Variants in RGL1 observed in about 807,000 individuals in gnomAD.
RGL1 encodes the protein ral guanine nucleotide dissociation stimulator like 1.
A neutral mutation model predicts 95.2 loss-of-function variants in RGL1; 24 were observed. The ratio of observed to expected loss-of-function variants is 0.25; its 90% CI spans 0.18 to 0.35. RGL1 has a LOEUF of 0.35. Ranked by LOEUF, RGL1 falls within the 10% of genes least tolerant of loss-of-function variation. The pLI, the probability that RGL1 is intolerant of heterozygous loss-of-function variation, is 1.00. For synonymous variants in RGL1, 329 were observed against 344.9 expected (o/e 0.95, Z 0.51); for missense variants, 715 against 936.3 (o/e 0.76, Z 3.08).
chr1:183,648,208 C>T, intron 1 of RGL1: 1 of 1,614,148 alleles, frequency 6.2e-7, no homozygotes, highest in Non-Finnish European at 8.5e-7. Flanking sequence ...TGCCAGATCC[C>T]ACCACTTATT....
chr1:183,685,047 T>C (rs924810669), intron 1 of RGL1, among the ~76,000 whole-genome samples: 1 of 152,224 alleles, frequency 6.6e-6, no homozygotes, highest in Admixed American at 6.5e-5. Flanking sequence ...CCATCTTCTA[T>C]TTACATTTAT....
At chr1:183,799,678 C>G (rs565061682) in intron 2 of RGL1, among the ~76,000 whole-genome samples, 1 of 152,132 alleles carries the variant, frequency 6.6e-6, no homozygotes, top group African/African-American at 2.4e-5. Context: ...GAGTTGTATG[C>G]GTTCCTTATA....
At chr1:183,891,459 T>C (rs1241242969) in intron 8 of RGL1, among the ~76,000 whole-genome samples, 1 of 152,178 alleles carries the variant, frequency 6.6e-6, no homozygotes, top group African/African-American at 2.4e-5. Flanking sequence ...TCAGGAAAGT[T>C]AAGCAGCTTG....
intron 1 of RGL1, chr1:183,647,539 G>T: frequency 7.5e-7 from 1 of 1,326,890 alleles, no homozygotes. Flanking sequence ...AGTTGATATG[G>T]TAAATAATTC....
chr1:183,749,834 G>A (rs1407368237), intron 2 of RGL1, among the ~76,000 whole-genome samples: 1 of 152,150 alleles, frequency 6.6e-6, no homozygotes, highest in Non-Finnish European at 1.5e-5. Context: ...AGTTTGGCTG[G>A]ATATGAAATT....
chr1:183,888,197 G>A (rs2102659554), intron 7 of RGL1, among the ~76,000 whole-genome samples: 1 of 152,212 alleles, frequency 6.6e-6, no homozygotes, highest in South Asian at 2.1e-4. Context: ...CTCCATTAGT[G>A]TTTTTACTAG....
At chr1:183,882,662 A>G (rs572209736) in intron 5 of RGL1, among the ~76,000 whole-genome samples, 1 of 152,288 alleles carries the variant, frequency 6.6e-6, no homozygotes, top group Admixed American at 6.5e-5. Context: ...AGTCCAGGGT[A>G]AAGGGGCAAT....
chr1:183,681,407 G>A (rs1255279039), intron 1 of RGL1, among the ~76,000 whole-genome samples: 5 of 152,154 alleles, frequency 3.3e-5, no homozygotes, highest in Non-Finnish European at 7.3e-5. Flanking sequence ...TTTATCAAAG[G>A]CCTTTTCTGC....
intron 2 of RGL1, among the ~76,000 whole-genome samples, chr1:183,836,922 T>C (rs1663702953): frequency 6.6e-6 from 1 of 152,210 alleles, no homozygotes; most frequent in East Asian, 1.9e-4. Context: ...GTAATAATTT[T>C]ATTGTCATTT....
intron 1 of RGL1, among the ~76,000 whole-genome samples, chr1:183,660,612 G>A (rs979552511): frequency 1.3e-5 from 2 of 151,482 alleles, no homozygotes; most frequent in East Asian, 1.9e-4. Flanking sequence ...AATAATGGGA[G>A]ACTTTAACAC....
chr1:183,851,038 T>A (rs1412061694), intron 3 of RGL1, among the ~76,000 whole-genome samples: 4 of 152,246 alleles, frequency 2.6e-5, no homozygotes, highest in African/African-American at 7.2e-5. Flanking sequence ...TGATATTTTT[T>A]AAATCTTTTC....
At chr1:183,660,644 A>C (rs2102023251) in intron 1 of RGL1, among the ~76,000 whole-genome samples, 1 of 151,634 alleles carries the variant, frequency 6.6e-6, no homozygotes, top group South Asian at 2.1e-4. Flanking sequence ...CATTAGACAG[A>C]TCAACGAGAC....
intron 1 of RGL1, among the ~76,000 whole-genome samples, chr1:183,700,910 C>G (rs1558160649): frequency 6.6e-6 from 1 of 152,126 alleles, no homozygotes; most frequent in African/African-American, 2.4e-5. Flanking sequence ...TTCCTTCCCC[C>G]TGAGCCCCTG....
At chr1:183,820,098 G>T (rs1262805633) in intron 2 of RGL1, among the ~76,000 whole-genome samples, 17 of 151,792 alleles carry the variant, frequency 1.1e-4, no homozygotes, top group African/African-American at 4.1e-4. Context: ...ATTTTGTTTT[G>T]TTTCGTTTTG....
chr1:183,741,372 C>A (rs1171364668), intron 1 of RGL1, among the ~76,000 whole-genome samples: 1 of 152,142 alleles, frequency 6.6e-6, no homozygotes, highest in Non-Finnish European at 1.5e-5. Flanking sequence ...AGATTCTGAG[C>A]AAGCCAGTGG....
chr1:183,756,230 C>T (rs545148678), intron 2 of RGL1, among the ~76,000 whole-genome samples: 1 of 147,046 alleles, frequency 6.8e-6, no homozygotes, highest in Non-Finnish European at 1.5e-5. Context: ...CTTGCTCTGT[C>T]GTCCAGGCTG....
rs538086383 is a variant in RGL1, at chr1:183,841,875, T to C, written c.139-5691T>C. ...GAAATTCAAAGTGCTCCAACATCCA[T>C]GCTTATTGCAGTGTTTTGCAGTTTG... On this transcript the variant is annotated intron_variant, in intron 2 of 17. Transcript: ENST00000360851. Among the ~76,000 whole-genome samples the C allele has an allele frequency of 2.6e-5, 4 of 152,318 alleles. No homozygotes were observed. The South Asian group carries it at 8.3e-4, about 32-fold the overall frequency.
At chr1:183,876,900 C>A (rs1666528049) in intron 4 of RGL1, among the ~76,000 whole-genome samples, 1 of 152,218 alleles carries the variant, frequency 6.6e-6, no homozygotes, top group Non-Finnish European at 1.5e-5. Flanking sequence ...CCTTTTCAAT[C>A]CCTTCCTTCT....
At chr1:183,770,462 T>A (rs141466397) in intron 2 of RGL1, among the ~76,000 whole-genome samples, 2 of 151,956 alleles carry the variant, frequency 1.3e-5, no homozygotes, top group African/African-American at 4.8e-5. Context: ...ACACCAGGGG[T>A]TCAGTCTAGG....
Sources: allele counts gnomAD v4.1 joint callset (sites outside exome capture counted in the v4.1 genomes callset), GRCh38; gene constraint gnomAD v4.1.1; transcripts MANE v1.5; gene names NCBI Gene and HGNC (gene_info 2026-07-23, HGNC 2026-07-21).